GPBP1: variants seen among roughly 807,000 people sequenced by gnomAD.
GPBP1 encodes the protein vasculin.
A neutral mutation model predicts 56.5 loss-of-function variants in GPBP1; 13 were observed. The observed-to-expected ratio is 0.23, with a 90% CI of 0.15 to 0.37. The LOEUF (loss-of-function observed/expected upper bound fraction) is 0.37. Among genes scored for constraint, GPBP1 ranks in the 10% least tolerant of loss-of-function variants. The probability of loss-of-function intolerance (pLI) is 1.00; values close to 1 mark genes in which losing one functional copy is unlikely to be tolerated. For synonymous variants in GPBP1, 204 were observed against 188.9 expected, an observed-to-expected ratio of 1.08 and a Z score of -0.66; for missense variants, 477 against 572.3, an observed-to-expected ratio of 0.83 and a Z score of 1.70.
chr5:57,196,223 AAGTCCTGGCCTCAAGT>A (rs1467501456), intron 2 of GPBP1, among the ~76,000 whole-genome samples: 1 of 152,014 alleles, frequency 6.6e-6, no homozygotes, highest in Non-Finnish European at 1.5e-5. Context: ...GCTGGTCTCG[AAGTCCTGGCCTCAAGT>A]GATCCTCCTG....
At chr5:57,209,070 G>A (rs926622875) in intron 2 of GPBP1, among the ~76,000 whole-genome samples, 1 of 152,096 alleles carries the variant, frequency 6.6e-6, no homozygotes, top group Non-Finnish European at 1.5e-5. Flanking sequence ...GGTATTTTAT[G>A]CTTTTGGATT....
At chr5:57,262,086 A>G (rs762880154) in intron 11 of GPBP1, among the ~76,000 whole-genome samples, 1 of 152,098 alleles carries the variant, frequency 6.6e-6, no homozygotes, top group South Asian at 2.1e-4. Context: ...TGGGCCAACT[A>G]TCTTTTTTCT....
intron 1 of GPBP1, among the ~76,000 whole-genome samples, chr5:57,174,722 T>A (rs1322633949): frequency 6.6e-6 from 1 of 152,214 alleles, no homozygotes. Flanking sequence ...TTGAGTCCTG[T>A]GGGGTCTGAG....
intron 9 of GPBP1, among the ~76,000 whole-genome samples, chr5:57,250,110 G>A (rs1005216982): frequency 1.2e-4 from 17 of 147,276 alleles, no homozygotes; most frequent in African/African-American, 3.8e-4. Flanking sequence ...CTGGTAGCTG[G>A]GACTATATTT....
rs796864964 is a variant in GPBP1 at position 57,219,424 on chromosome 5, A to AAC, written c.63+5232_63+5233insCA. On this transcript the variant is annotated intron_variant, in intron 3 of 11. Transcript: ENST00000506184. ...AAAAACCAAAAACAAACAAACAAAAAAAAAAACAACAAAACCACACACACA... is the reference window on the plus strand; with the variant it reads ...AAAAACCAAAAACAAACAAACAAAAAACAAAAAACAACAAAACCACACACACA... Among the ~76,000 whole-genome samples, 372 of 142,678 alleles carry AAC rather than the reference A, an allele frequency of 2.6e-3. 10 individuals carry two copies. The highest frequency in any genetic ancestry group is 0.01 in the African/African-American group (356 of 34,808). The allele number at this position is 142,678 out of a possible 152,430, so 93.6% of individuals were successfully genotyped here.
intron 3 of GPBP1, among the ~76,000 whole-genome samples, chr5:57,219,238 T>C (rs1482757009): frequency 6.6e-6 from 1 of 150,930 alleles, no homozygotes; most frequent in Non-Finnish European, 1.5e-5. Flanking sequence ...TAGCCGGGTA[T>C]GGTGGCACAT....
At chr5:57,187,022 GTGTGTGTGTGTGTGTGTA>G (rs989143065) in intron 2 of GPBP1, among the ~76,000 whole-genome samples, 8 of 150,882 alleles carry the variant, frequency 5.3e-5, no homozygotes, top group African/African-American at 2.0e-4. Flanking sequence ...GTGTGTGTGT[GTGTGTGTGTGTGTGTGTA>G]TGTATGTTTG....
At chr5:57,251,187 G>A in intron 10 of GPBP1, 46 bp downstream of exon 10, 2 of 1,453,588 alleles carry the variant, frequency 1.4e-6, no homozygotes, top group Non-Finnish European at 1.9e-6. Flanking sequence ...CTGTATTCGA[G>A]ATTTCAATAT....
At chr5:57,205,053 T>A (rs1478422960) in intron 2 of GPBP1, among the ~76,000 whole-genome samples, 1 of 152,206 alleles carries the variant, frequency 6.6e-6, no homozygotes, top group Non-Finnish European at 1.5e-5. Context: ...CTCTATCAAG[T>A]TCCAGAATGT....
chr5:57,200,967 C>T (rs972358163), intron 2 of GPBP1, among the ~76,000 whole-genome samples: 3 of 151,652 alleles, frequency 2.0e-5, no homozygotes, highest in African/African-American at 7.3e-5. Context: ...TGCAAGCCAC[C>T]ATGCCTGGCC....
intron 2 of GPBP1, among the ~76,000 whole-genome samples, chr5:57,178,842 C>T (rs1349999751): frequency 6.6e-6 from 1 of 152,170 alleles, no homozygotes. Context: ...TTCCTTTTAT[C>T]TTTTCTACTC....
chr5:57,177,853 C>T (rs748327224), intron 2 of GPBP1, among the ~76,000 whole-genome samples: 10 of 151,792 alleles, frequency 6.6e-5, no homozygotes, highest in Non-Finnish European at 1.3e-4. Context: ...CATAACTTGT[C>T]AGTTGCTTAT....
intron 8 of GPBP1, chr5:57,249,009 T>G (rs557165680): frequency 6.5e-6 from 1 of 153,504 alleles, no homozygotes; most frequent in South Asian, 2.0e-4. Flanking sequence ...TCCACTCTTA[T>G]AAACCCTATG....
Position 57,193,570 on chromosome 5 carries a change from T to C in GPBP1, c.-58+17170T>C, listed in dbSNP as rs140079446. On this transcript the variant is annotated intron_variant, in intron 2 of 11. Transcript: ENST00000506184. ...TGGAGGTTGCAGTGAGCCAAGATCA[T>C]GCCACTGCACTCAAGCTTGGGCAAT... is the stretch of plus-strand genomic sequence containing the variant. Among the ~76,000 whole-genome samples, 43 of 136,034 alleles carry C rather than the reference T, an allele frequency of 3.2e-4. No homozygotes were observed. In the East Asian group the frequency reaches 9.7e-3, roughly 31 times the overall value. 89.2% of individuals were successfully genotyped at this position (136,034 alleles called of 152,430 possible). A position where few individuals can be genotyped will look rare whatever the true frequency, so the allele number is the denominator to read the frequency against.
chr5:57,222,250 C>T (rs1240051235), intron 3 of GPBP1, among the ~76,000 whole-genome samples: 2 of 152,032 alleles, frequency 1.3e-5, no homozygotes, highest in African/African-American at 4.8e-5. Flanking sequence ...ATTAAGGTAA[C>T]AAAAATCTTA....
At chr5:57,255,497 G>A (rs1741617539) in intron 10 of GPBP1, among the ~76,000 whole-genome samples, 1 of 152,236 alleles carries the variant, frequency 6.6e-6, no homozygotes, top group Non-Finnish European at 1.5e-5. Context: ...AAGGGAAAAG[G>A]CCTGTGTGTA....
intron 5 of GPBP1, among the ~76,000 whole-genome samples, 199 bp downstream of exon 5, chr5:57,231,520 A>G (rs4455517): frequency 0.64 from 96,550 of 151,868 alleles, 31,351 homozygotes; most frequent in East Asian, 0.98. Context: ...TGATCCACCT[A>G]CCTCAGCCTC....
At chr5:57,233,138 A>G (rs1756529027) in intron 5 of GPBP1, among the ~76,000 whole-genome samples, 1 of 152,232 alleles carries the variant, frequency 6.6e-6, no homozygotes, top group African/African-American at 2.4e-5. Flanking sequence ...ATACTTCAGG[A>G]GAAAATGATG....
At chr5:57,215,327 G>T (rs549183035) in intron 3 of GPBP1, among the ~76,000 whole-genome samples, 1 of 152,334 alleles carries the variant, frequency 6.6e-6, no homozygotes, top group African/African-American at 2.4e-5. Context: ...AGAGTAAAGG[G>T]TTTGTGCACA....
Sources: gnomAD v4.1 joint callset for allele counts (sites outside exome capture counted in the v4.1 genomes callset) on GRCh38, gnomAD v4.1.1 for gene constraint, MANE v1.5 for transcripts, NCBI Gene and HGNC (gene_info 2026-07-23, HGNC 2026-07-21) for gene names.